RTTN: variants seen among roughly 807,000 people sequenced by gnomAD.
RTTN encodes rotatin.
In RTTN, 182 loss-of-function variants were observed where a neutral mutation model predicts 269.2. The observed-to-expected ratio is 0.68, with a 90% CI of 0.60 to 0.76. The LOEUF (loss-of-function observed/expected upper bound fraction) is 0.76. RTTN is among the 30% of genes least tolerant of loss of function. The pLI, the probability that RTTN is intolerant of heterozygous loss-of-function variation, is 0.00. For synonymous variants in RTTN, 1,006 were observed against 963.5 expected, an observed-to-expected ratio of 1.04 and a Z score of -0.82; for missense variants, 2,545 against 2,608.6, an observed-to-expected ratio of 0.98 and a Z score of 0.53.
rs748507804 is a variant in RTTN at position 70,193,299 on chromosome 18, T to A, written c.996A>T (p.Ala332=). The change falls in exon 8 of 49, where the codon GCA becomes GCT. Residue 332 remains alanine, a synonymous_variant. Coordinates refer to ENST00000640769, the MANE Select transcript of RTTN (RefSeq NM_173630.4). Reference sequence around the variant, plus strand: ...CTGCTAGCAGTCACCTAGAGGACGCTGCATCCCAGTCCTGGCCATCTCCTC... The same window carrying A: ...CTGCTAGCAGTCACCTAGAGGACGCAGCATCCCAGTCCTGGCCATCTCCTC... ...RPRGDGQDWD[A]ASSSGSSSHA... The A allele has an allele frequency of 6.2e-7, 1 of 1,610,972 alleles. No individual in the cohort carries two copies. Among genetic ancestry groups the A allele is most frequent in the South Asian group, 1.1e-5 (1 of 90,872 alleles).
At chr18:70,061,922 C>T (rs1258303822) in intron 35 of RTTN, among the ~76,000 whole-genome samples, 1 of 152,184 alleles carries the variant, frequency 6.6e-6, no homozygotes, top group African/African-American at 2.4e-5. Flanking sequence ...TCTTCCTTCC[C>T]TTCCATATTT....
At chr18:70,052,164 T>C (rs923344389) in intron 38 of RTTN, among the ~76,000 whole-genome samples, 1 of 152,178 alleles carries the variant, frequency 6.6e-6, no homozygotes, top group Admixed American at 6.5e-5. Context: ...TGGAGAGCAG[T>C]CGCTGAGGAC....
chr18:70,104,635 T>A (rs765615727), intron 28 of RTTN, among the ~76,000 whole-genome samples: 1 of 152,158 alleles, frequency 6.6e-6, no homozygotes, highest in Non-Finnish European at 1.5e-5. Flanking sequence ...GTTTTATCTA[T>A]CTTTGGTCTT....
chr18:70,197,708 G>A lies in RTTN; in HGVS notation c.609C>T (p.Ile203=). Residue 203 remains isoleucine (I), a synonymous_variant, in exon 6 of 49, where the codon ATC becomes ATT. Transcript: ENST00000640769. The part of the protein sequence containing the change: ...SSLRSSNHTL[I]WNTCELLKDV... ...CCTTCAATAGTTCACAGGTGTTCCA[G>A]ATTAAAGTGTGGTTACTACTTCTTA... The A allele has an allele frequency of 6.2e-7, 1 of 1,611,778 alleles. No homozygotes were observed. Among genetic ancestry groups the A allele is most frequent in the Non-Finnish European group, 8.5e-7 (1 of 1,177,926 alleles).
intron 40 of RTTN, chr18:70,031,225 C>T: frequency 1.9e-6 from 1 of 525,202 alleles, no homozygotes; most frequent in Non-Finnish European, 3.3e-6. Flanking sequence ...CAGAAAAAAG[C>T]TTTATTTAGC....
chr18:70,127,839 CTTCA>C, intron 24 of RTTN, 98 bp from the exon 25 acceptor site: 1 of 1,103,932 alleles, frequency 9.1e-7, no homozygotes, highest in Non-Finnish European at 1.3e-6. Context: ...GCTGTTTTAT[CTTCA>C]TTTTCTTTTA....
At chr18:70,060,332 C>A (rs1002879173) in intron 35 of RTTN, among the ~76,000 whole-genome samples, 1 of 152,132 alleles carries the variant, frequency 6.6e-6, no homozygotes, top group Non-Finnish European at 1.5e-5. Flanking sequence ...TCATGCCCCA[C>A]GTATTCAGAC....
At chr18:70,143,985 A>G (rs2060325748) in intron 18 of RTTN, among the ~76,000 whole-genome samples, 2 of 151,608 alleles carry the variant, frequency 1.3e-5, no homozygotes, top group African/African-American at 4.8e-5. Context: ...TCAGCCTCCC[A>G]AGTTGCTGGG....
chr18:70,027,546 G>A (rs573181516), intron 43 of RTTN, among the ~76,000 whole-genome samples: 17 of 152,258 alleles, frequency 1.1e-4, no homozygotes, highest in Admixed American at 6.5e-4. Flanking sequence ...TTTATAGGTA[G>A]ATCCCACATG....
intron 40 of RTTN, among the ~76,000 whole-genome samples, chr18:70,039,405 G>A (rs1241108169): frequency 1.3e-5 from 2 of 150,524 alleles, no homozygotes; most frequent in African/African-American, 4.9e-5. Flanking sequence ...AAGTGCTGCA[G>A]GGAAAAAAAA....
At chr18:70,138,228 G>A (rs747791082) in intron 21 of RTTN, 1 of 152,182 alleles carries the variant, frequency 6.6e-6, no homozygotes, top group Non-Finnish European at 1.5e-5. Context: ...GCACTGAGCC[G>A]AGATTGTGCC....
At chr18:70,075,216 T>C (rs1037838333) in intron 33 of RTTN, 136 bp downstream of exon 33, 3 of 588,008 alleles carry the variant, frequency 5.1e-6, no homozygotes, top group African/African-American at 4.0e-5. Context: ...TACATCTCTC[T>C]GGGTGGTAGA....
Position 70,003,694 on chromosome 18 carries a change from T to C in RTTN, c.*457A>G, listed in dbSNP as rs1362622808. On this transcript the variant is annotated 3_prime_UTR_variant, in exon 49 of 49. Transcript: ENST00000640769. ...CTGACAGAGCCAAATTTTACATCAG[T>C]TAAAATTTAAAAAAAGAGAGAAACA... 1 of 152,350 alleles carries C rather than the reference T, an allele frequency of 6.6e-6. No homozygotes were observed. The highest frequency in any genetic ancestry group is 1.5e-5 in the Non-Finnish European group (1 of 68,168). The allele number at this position is 152,350 out of a possible 1,614,324, so 9.4% of individuals were successfully genotyped here.
chr18:70,172,517 TAGTC>T (rs2061169336), intron 11 of RTTN, among the ~76,000 whole-genome samples: 1 of 152,214 alleles, frequency 6.6e-6, no homozygotes, highest in African/African-American at 2.4e-5. Context: ...TTAAAGTACT[TAGTC>T]AATTAATCAA....
At chr18:70,204,989 A>C (rs891421839) in intron 2 of RTTN, 139 bp downstream of exon 2, 47 of 764,376 alleles carry the variant, frequency 6.1e-5, no homozygotes, top group Non-Finnish European at 1.0e-4. Context: ...ATATACCCAG[A>C]TTAATTAAAA....
chr18:70,188,542 G>A (rs372080845), intron 9 of RTTN, among the ~76,000 whole-genome samples: 2 of 152,166 alleles, frequency 1.3e-5, no homozygotes, highest in African/African-American at 4.8e-5. Context: ...CATTTTACAC[G>A]TAATATGTGA....
chr18:70,110,881 C>T (rs544881964), intron 27 of RTTN, among the ~76,000 whole-genome samples: 14 of 152,344 alleles, frequency 9.2e-5, no homozygotes, highest in African/African-American at 2.6e-4. Flanking sequence ...GGTGAGGGGA[C>T]GGGCGTCCGC....
At chr18:70,021,009 A>G (rs2056689410) in intron 44 of RTTN, 192 bp from the exon 45 acceptor site, 1 of 472,064 alleles carries the variant, frequency 2.1e-6, no homozygotes, top group Non-Finnish European at 3.8e-6. Flanking sequence ...TGAGGGCCTA[A>G]TTATCTCACT....
At chr18:70,174,487 A>T (rs982455285) in intron 11 of RTTN, among the ~76,000 whole-genome samples, 2 of 152,160 alleles carry the variant, frequency 1.3e-5, no homozygotes, top group African/African-American at 4.8e-5. Context: ...TAGTAATGCC[A>T]CTAGGAATTT....
Sources: allele counts gnomAD v4.1 joint callset (sites outside exome capture counted in the v4.1 genomes callset), GRCh38; gene constraint gnomAD v4.1.1; transcripts MANE v1.5; gene names NCBI Gene and HGNC (gene_info 2026-07-23, HGNC 2026-07-21).